The following SYT14 variants were observed in gnomAD, a reference collection of about 807,000 sequenced individuals.
SYT14 encodes the protein synaptotagmin 14.
SYT14 carries 32 observed loss-of-function variants against 74.2 expected under a neutral mutation model. The observed-to-expected ratio is 0.43, with a 90% CI of 0.33 to 0.58. The LOEUF (loss-of-function observed/expected upper bound fraction) is 0.58, where lower values mean the gene tolerates loss of function less well. Ranked by LOEUF, SYT14 falls within the 20% of genes least tolerant of loss-of-function variation. SYT14 has a pLI of 0.05. For synonymous variants in SYT14, 298 were observed against 337.7 expected (o/e 0.88, Z 1.29); for missense variants, 791 against 981.8 (o/e 0.81, Z 2.60).
At chr1:209,970,565 T>C (rs2079233512) in intron 2 of SYT14, among the ~76,000 whole-genome samples, 1 of 151,978 alleles carries the variant, frequency 6.6e-6, no homozygotes, top group Non-Finnish European at 1.5e-5. Flanking sequence ...TGGTTCCATA[T>C]GAATTTTAGA....
In SYT14 at chr1:209,990,970, A is replaced by T. The variant is rs534001217; in HGVS notation, c.-485-22663A>T. On this transcript the variant is annotated intron_variant, in intron 2 of 9. Transcript: ENST00000637265. ...GTAGAATAGAATAGAGAACCCAGAA[A>T]TAAAGCCCCACACTTACAGCAAACT... Among the ~76,000 whole-genome samples, 3 of 152,298 alleles carry T rather than the reference A, an allele frequency of 2.0e-5. No homozygotes were observed. The East Asian group carries it at 5.8e-4, about 29-fold the overall frequency.
intron 5 of SYT14, among the ~76,000 whole-genome samples, chr1:210,030,866 G>A (rs1228556043): frequency 6.6e-6 from 1 of 152,068 alleles, no homozygotes; most frequent in East Asian, 1.9e-4. Flanking sequence ...TGGTGAACTT[G>A]GCTCAGTAAT....
intron 2 of SYT14, chr1:209,965,989 G>T: frequency 2.2e-6 from 1 of 451,982 alleles, no homozygotes; most frequent in South Asian, 1.6e-5. Flanking sequence ...TTCTGCCTCA[G>T]CATCCCAAGT....
intron 3 of SYT14, among the ~76,000 whole-genome samples, chr1:210,015,037 A>T (rs182469956): frequency 4.1e-4 from 62 of 150,748 alleles, no homozygotes; most frequent in Admixed American, 2.6e-3. Context: ...TTATTTTTTT[A>T]AAAAAACAAG....
At chr1:210,122,958 C>G (rs1299462468) in intron 7 of SYT14, among the ~76,000 whole-genome samples, 2 of 152,074 alleles carry the variant, frequency 1.3e-5, no homozygotes, top group South Asian at 2.1e-4. Flanking sequence ...CATAACAAAG[C>G]CTTTCCTAAA....
Position 210,094,439 on chromosome 1 carries a change from G to A in SYT14, c.1430G>A (p.Ser477Asn), listed in dbSNP as rs770447707. The change falls in exon 6 of 10, where the codon AGT becomes AAT. Residue 477 changes from serine (S) to asparagine (N), a missense_variant. Coordinates refer to ENST00000637265, the Ensembl canonical transcript of SYT14. ...TGTACACCCTCAGAAATTGGGGACA[G>A]TAAATGTGAATTTTCCCACTGCAGC... The A allele has an allele frequency of 6.2e-7, 1 of 1,613,944 alleles. No individual in the cohort carries two copies. Among genetic ancestry groups the A allele is most frequent in the Admixed American group, 1.7e-5 (1 of 59,940 alleles).
chr1:210,131,802 C>T (rs1260884275), intron 7 of SYT14, among the ~76,000 whole-genome samples: 2 of 152,256 alleles, frequency 1.3e-5, no homozygotes, highest in East Asian at 3.9e-4. Context: ...GCCATCCCTT[C>T]TTCCATATAA....
rs538482464 is a variant in SYT14, at chr1:210,098,054, G to T, written c.1585-1958G>T. Among the ~76,000 whole-genome samples, 68 of 151,982 alleles carry T rather than the reference G, an allele frequency of 4.5e-4. 1 individual carries two copies. Among genetic ancestry groups the T allele is most frequent in the Non-Finnish European group, 7.8e-4 (53 of 67,974 alleles). The stretch of plus-strand genomic sequence containing the variant: ...GCCAGGTGTGGTCGTGTATGCCTGT[G>T]ATTCCAGCTACTCAGGAGGCTGAGG... On this transcript the variant is annotated intron_variant, in intron 6 of 9. Transcript: ENST00000637265.
At chr1:210,120,473 A>T (rs867513230) in intron 7 of SYT14, among the ~76,000 whole-genome samples, 1 of 151,728 alleles carries the variant, frequency 6.6e-6, no homozygotes, top group Non-Finnish European at 1.5e-5. Flanking sequence ...GCCTCCCGAG[A>T]AGCTACTATA....
chr1:210,052,429 G>A (rs751730398), intron 5 of SYT14, among the ~76,000 whole-genome samples: 33 of 152,034 alleles, frequency 2.2e-4, no homozygotes, highest in Non-Finnish European at 4.1e-4. Context: ...CTGGGAGGCC[G>A]AGGCGGGCGG....
chr1:209,980,620 T>A (rs1329940536), intron 2 of SYT14, among the ~76,000 whole-genome samples: 1 of 152,214 alleles, frequency 6.6e-6, no homozygotes, highest in East Asian at 1.9e-4. Context: ...AAGTTGATTT[T>A]TGTATATGGT....
At chr1:210,148,464 G>A (rs971473444) in intron 7 of SYT14, among the ~76,000 whole-genome samples, 3 of 150,504 alleles carry the variant, frequency 2.0e-5, no homozygotes, top group Admixed American at 6.6e-5. Flanking sequence ...AGCCGAGATC[G>A]CGCCACTGCA....
intron 3 of SYT14, among the ~76,000 whole-genome samples, chr1:210,015,322 T>C (rs2080161076): frequency 6.6e-6 from 1 of 152,180 alleles, no homozygotes; most frequent in Non-Finnish European, 1.5e-5. Context: ...AAAACTAGTC[T>C]TGACCTTGAG....
intron 2 of SYT14, among the ~76,000 whole-genome samples, chr1:209,974,860 C>T (rs927038251): frequency 3.3e-5 from 5 of 152,074 alleles, no homozygotes; most frequent in African/African-American, 7.2e-5. Flanking sequence ...AATGTTCTTC[C>T]GTTTGTTTGT....
chr1:210,059,420 A>C (rs2081159666), intron 5 of SYT14, among the ~76,000 whole-genome samples: 1 of 135,450 alleles, frequency 7.4e-6, no homozygotes, highest in Non-Finnish European at 1.5e-5. Context: ...GCATGATGAC[A>C]AGAAAGAATA....
chr1:210,060,097 C>T (rs540074266), intron 5 of SYT14, among the ~76,000 whole-genome samples: 21 of 152,262 alleles, frequency 1.4e-4, no homozygotes, highest in African/African-American at 4.6e-4. Context: ...TTTTCTTAAG[C>T]ATAACTTAGA....
chr1:210,018,601 A>G (rs1023539676), intron 4 of SYT14, among the ~76,000 whole-genome samples: 3 of 152,240 alleles, frequency 2.0e-5, no homozygotes, highest in Admixed American at 6.5e-5. Flanking sequence ...TAAGTACATT[A>G]CAAATAGCAT....
chr1:210,146,655 G>A (rs2102686565), intron 7 of SYT14, among the ~76,000 whole-genome samples: 1 of 151,358 alleles, frequency 6.6e-6, no homozygotes, highest in African/African-American at 2.4e-5. Flanking sequence ...AAGAAATCAA[G>A]GAAGTATGTA....
intron 5 of SYT14, among the ~76,000 whole-genome samples, chr1:210,076,564 A>G (rs1213630497): frequency 6.6e-6 from 1 of 152,204 alleles, no homozygotes; most frequent in Non-Finnish European, 1.5e-5. Flanking sequence ...ACGATGCTAT[A>G]AAGAAATACC....
Sources: gnomAD v4.1 joint callset for allele counts (sites outside exome capture counted in the v4.1 genomes callset) on GRCh38, gnomAD v4.1.1 for gene constraint, MANE v1.5 for transcripts, NCBI Gene and HGNC (gene_info 2026-07-23, HGNC 2026-07-21) for gene names.